Variants in MBD5 observed in about 807,000 individuals in gnomAD.
MBD5 encodes the protein methyl-CpG-binding domain protein 5.
MBD5 carries 13 observed loss-of-function variants against 117.3 expected under a neutral mutation model. That is an observed-to-expected ratio of 0.11 (90% CI 0.07 to 0.18). MBD5 has a LOEUF of 0.18. Among genes scored for constraint, MBD5 ranks in the 10% least tolerant of loss-of-function variants. The pLI is 1.00. For synonymous variants in MBD5, 727 were observed against 766.4 expected (o/e 0.95, Z 0.85); for missense variants, 1,879 against 2,093.8 (o/e 0.90, Z 2.00).
chr2:148,215,108 C>T (rs896757324), intron 2 of MBD5, among the ~76,000 whole-genome samples: 3 of 152,158 alleles, frequency 2.0e-5, no homozygotes, highest in Non-Finnish European at 4.4e-5. Context: ...GTTTCTTACT[C>T]TCACATTTTA....
chr2:148,485,016 T>G (rs759631188), intron 9 of MBD5: 1 of 152,204 alleles, frequency 6.6e-6, no homozygotes, highest in Non-Finnish European at 1.5e-5. Flanking sequence ...TACGAAGCAT[T>G]ACAGATTTAC....
intron 1 of MBD5, among the ~76,000 whole-genome samples, chr2:148,049,152 C>T (rs964863443): frequency 1.2e-4 from 18 of 152,174 alleles, no homozygotes; most frequent in Non-Finnish European, 2.9e-5. Context: ...TGTAGCTTGA[C>T]TAGACAGTGG....
At chr2:148,405,776 T>TA (rs1203074822) in intron 4 of MBD5, among the ~76,000 whole-genome samples, 3 of 152,024 alleles carry the variant, frequency 2.0e-5, no homozygotes, top group African/African-American at 7.2e-5. Context: ...GAGTCCTTTT[T>TA]AAAAAAAAGT....
intron 2 of MBD5, among the ~76,000 whole-genome samples, chr2:148,225,006 T>C (rs529346202): frequency 1.3e-5 from 2 of 152,290 alleles, no homozygotes; most frequent in East Asian, 3.9e-4. Context: ...TCTTGTCTTT[T>C]TTTTGTATCC....
chr2:148,101,497 T>C (rs1696216054), intron 1 of MBD5, among the ~76,000 whole-genome samples: 1 of 152,078 alleles, frequency 6.6e-6, no homozygotes, highest in South Asian at 2.1e-4. Context: ...CCAATGGAAA[T>C]CAAAAATATT....
At chr2:148,057,852 A>G (rs1055914020) in intron 1 of MBD5, among the ~76,000 whole-genome samples, 2 of 150,880 alleles carry the variant, frequency 1.3e-5, no homozygotes, top group African/African-American at 4.8e-5. Flanking sequence ...GATTCTAAAA[A>G]CTTACTGAGT....
intron 2 of MBD5, among the ~76,000 whole-genome samples, chr2:148,222,786 T>G (rs982477794): frequency 2.6e-5 from 4 of 152,100 alleles, no homozygotes; most frequent in African/African-American, 7.2e-5. Flanking sequence ...TCTGGTTTTC[T>G]AGCTAGGACT....
chr2:148,372,095 T>G (rs915000488), intron 4 of MBD5, among the ~76,000 whole-genome samples: 2 of 152,108 alleles, frequency 1.3e-5, no homozygotes, highest in Non-Finnish European at 1.5e-5. Context: ...TATGGAACTA[T>G]GTAGTAAGAG....
At chr2:148,434,274 T>G (rs1706087140) in intron 4 of MBD5, among the ~76,000 whole-genome samples, 1 of 152,186 alleles carries the variant, frequency 6.6e-6, no homozygotes, top group Non-Finnish European at 1.5e-5. Context: ...TTTTTCTTTT[T>G]TTGTCTAGCA....
intron 3 of MBD5, among the ~76,000 whole-genome samples, chr2:148,311,240 G>A (rs2106528453): frequency 6.6e-6 from 1 of 152,274 alleles, no homozygotes; most frequent in Middle Eastern, 3.4e-3. Flanking sequence ...AATATTGACA[G>A]TGGGGCATTA....
At chr2:148,369,021 T>TA (rs1382188263) in intron 4 of MBD5, among the ~76,000 whole-genome samples, 2 of 152,172 alleles carry the variant, frequency 1.3e-5, no homozygotes, top group South Asian at 2.1e-4. Context: ...TGTCTCCTGA[T>TA]ATGATGCATG....
intron 4 of MBD5, among the ~76,000 whole-genome samples, chr2:148,397,964 C>T (rs1038548713): frequency 6.6e-6 from 1 of 152,160 alleles, no homozygotes; most frequent in Non-Finnish European, 1.5e-5. Flanking sequence ...TCATCCATAT[C>T]CCTACAAAGG....
intron 4 of MBD5, among the ~76,000 whole-genome samples, chr2:148,407,159 A>G (rs1026406876): frequency 1.3e-5 from 2 of 152,230 alleles, no homozygotes; most frequent in African/African-American, 2.4e-5. Flanking sequence ...AGTATGAACC[A>G]ATAACTCTTA....
intron 1 of MBD5, among the ~76,000 whole-genome samples, chr2:148,141,791 CAAA>C (rs67998222): frequency 7.8e-6 from 1 of 128,624 alleles, no homozygotes; most frequent in African/African-American, 2.6e-5. Context: ...GACCCCGTCT[CAAA>C]AAAAAAAAAT....
intron 1 of MBD5, among the ~76,000 whole-genome samples, chr2:148,085,895 T>C (rs1282709724): frequency 1.3e-5 from 2 of 152,166 alleles, no homozygotes; most frequent in African/African-American, 4.8e-5. Context: ...AAATCTACTG[T>C]TTTATTTATA....
In MBD5 at chr2:148,502,443, C is replaced by A. The variant is rs775673512; in HGVS notation, c.4970C>A (p.Pro1657His). The A allele has an allele frequency of 2.2e-5, 36 of 1,613,970 alleles. No homozygotes were observed. In the Middle Eastern group the frequency reaches 4.9e-4, roughly 22 times the overall value. Reference protein sequence around the residue: ...QQSPEEGKVEPEKLKTLTEGL... With the variant: ...QQSPEEGKVEHEKLKTLTEGL... ...CTTCATACCTTCACTCAGGTGGAGC[C>A]CGAGAAGTTGAAGACACTAACAGAA... The change falls in exon 12 of 14, where the codon CCC becomes CAC. Residue 1657 changes from proline to histidine, a missense_variant. This residue lies in a region of MBD5 where 135 missense variants were observed against 148.0 expected (regional missense o/e 0.91). Coordinates refer to ENST00000642680, the MANE Select transcript of MBD5 (RefSeq NM_001378120.1).
At chr2:148,415,845 C>T (rs1156381421) in intron 4 of MBD5, among the ~76,000 whole-genome samples, 3 of 152,102 alleles carry the variant, frequency 2.0e-5, no homozygotes. Context: ...ATGATCATTA[C>T]ATCTTTCAGC....
chr2:148,374,016 A>T (rs1022735826), intron 4 of MBD5, among the ~76,000 whole-genome samples: 4 of 152,074 alleles, frequency 2.6e-5, no homozygotes, highest in Non-Finnish European at 5.9e-5. Context: ...TGGATTTCAG[A>T]TTTTCAGATT....
At chr2:148,047,109 A>T (rs528450563) in intron 1 of MBD5, among the ~76,000 whole-genome samples, 1 of 152,280 alleles carries the variant, frequency 6.6e-6, no homozygotes, top group Admixed American at 6.5e-5. Context: ...ACATAGTTTT[A>T]CTGCAAATCC....
Sources: gnomAD v4.1 joint callset for allele counts (sites outside exome capture counted in the v4.1 genomes callset) on GRCh38, gnomAD v4.1.1 for gene constraint, gnomAD v4.1.1 regional missense constraint, MANE v1.5 for transcripts, NCBI Gene and HGNC (gene_info 2026-07-23, HGNC 2026-07-21) for gene names.